The following TMEM123 variants were observed in gnomAD, a reference collection of about 807,000 sequenced individuals.
The protein encoded by TMEM123 is transmembrane protein 123, also known as porimin.
Under a neutral mutation model 19.7 loss-of-function variants are expected in TMEM123, and 16 were observed. The ratio of observed to expected loss-of-function variants is 0.81; its 90% CI spans 0.55 to 1.23. TMEM123 has a LOEUF of 1.23. TMEM123 is among the 50% of genes most tolerant of loss of function. The pLI is 0.00. For missense variants in TMEM123, 313 were observed against 257.8 expected (o/e 1.21, Z -1.47); for synonymous variants, 118 against 99.4 (o/e 1.19, Z -1.12).
chr11:102,425,879 T>C (rs1781836203), intron 2 of TMEM123, among the ~76,000 whole-genome samples: 2 of 152,146 alleles, frequency 1.3e-5, no homozygotes, highest in South Asian at 4.1e-4. Context: ...GCCCTCGAGA[T>C]TTTCCTAACT....
intron 2 of TMEM123, among the ~76,000 whole-genome samples, chr11:102,428,002 G>T (rs1024108417): frequency 5.3e-5 from 8 of 152,002 alleles, no homozygotes; most frequent in Admixed American, 5.2e-4. Flanking sequence ...CCTCAATGAG[G>T]ATATAAACTT....
chr11:102,409,808 T>G (rs1591555464), intron 2 of TMEM123, among the ~76,000 whole-genome samples: 1 of 151,762 alleles, frequency 6.6e-6, no homozygotes, highest in Non-Finnish European at 1.5e-5. Context: ...GAGGTTGCAG[T>G]GAGCCGAGAT....
intron 2 of TMEM123, among the ~76,000 whole-genome samples, chr11:102,441,246 T>C (rs1435175844): frequency 6.6e-5 from 10 of 152,204 alleles, no homozygotes; most frequent in Non-Finnish European, 1.5e-4. Flanking sequence ...TATACATTCT[T>C]CTCAGCACCA....
rs766449871 is a variant in TMEM123 at position 102,401,893 on chromosome 11, A to G, written c.448+23T>C. 4 of 1,601,536 alleles carry G rather than the reference A, an allele frequency of 2.5e-6. No homozygotes were observed. The Admixed American group carries it at 6.7e-5, about 27-fold the overall frequency. ...TTTAACTACTTGCAGCATAGGAAAA[A>G]AAAGGTCAGCTTTAATACATACTTG... On this transcript the variant is annotated intron_variant, in intron 3 of 4. Coordinates refer to ENST00000398136, the MANE Select transcript of TMEM123 (RefSeq NM_052932.3).
chr11:102,450,021 T>G (rs1458563506), intron 1 of TMEM123, among the ~76,000 whole-genome samples: 1 of 152,164 alleles, frequency 6.6e-6, no homozygotes, highest in Non-Finnish European at 1.5e-5. Flanking sequence ...CATTACCAGC[T>G]GCTCAACCCC....
intron 2 of TMEM123, among the ~76,000 whole-genome samples, chr11:102,439,743 C>T (rs1214467860): frequency 2.0e-5 from 3 of 152,164 alleles, no homozygotes; most frequent in African/African-American, 7.2e-5. Context: ...TCGGTAATAA[C>T]AAACTTCTCC....
intron 2 of TMEM123, among the ~76,000 whole-genome samples, chr11:102,430,625 G>A (rs1396640094): frequency 6.6e-6 from 1 of 152,160 alleles, no homozygotes; most frequent in Non-Finnish European, 1.5e-5. Context: ...TGGCAGAGAG[G>A]GCAGAGAAAG....
intron 4 of TMEM123, among the ~76,000 whole-genome samples, chr11:102,400,710 TAG>T (rs1382309140): frequency 3.3e-5 from 5 of 152,204 alleles, no homozygotes; most frequent in Non-Finnish European, 7.3e-5. Context: ...CCCTTACAAT[TAG>T]AGGTCAGAGA....
intron 2 of TMEM123, among the ~76,000 whole-genome samples, chr11:102,415,467 C>T (rs887236310): frequency 5.3e-5 from 8 of 152,138 alleles, no homozygotes; most frequent in Non-Finnish European, 8.8e-5. Context: ...CAACAAATTA[C>T]GATTCTCAAA....
In TMEM123 at chr11:102,439,758, C is replaced by CTAAAGGAG. The variant is rs1345946629; in HGVS notation, c.157+9046_157+9053dup. ...TCGGTAATAACAAACTTCTCCCGAG[C>CTAAAGGAG]TAAAGGAGGATGTTCAAACCCATCG... On this transcript the variant is annotated intron_variant, in intron 2 of 4. Transcript: ENST00000398136. 2.0e-5 allele frequency among the ~76,000 whole-genome samples: 3 copies of CTAAAGGAG among 152,168 alleles called. No homozygotes were observed. In the East Asian group the frequency reaches 5.8e-4, roughly 29 times the overall value.
At chr11:102,419,144 T>A (rs1382389478) in intron 2 of TMEM123, among the ~76,000 whole-genome samples, 2 of 152,184 alleles carry the variant, frequency 1.3e-5, no homozygotes, top group Non-Finnish European at 2.9e-5. Context: ...TCTGCACATG[T>A]ACCCTCGAGC....
At chr11:102,425,605 C>G (rs1331369769) in intron 2 of TMEM123, among the ~76,000 whole-genome samples, 1 of 118,896 alleles carries the variant, frequency 8.4e-6, no homozygotes, top group East Asian at 2.3e-4. Context: ...TTTTTTGAGG[C>G]AAGGTCTCAC....
intron 2 of TMEM123, among the ~76,000 whole-genome samples, chr11:102,412,268 C>A (rs1049625295): frequency 1.3e-5 from 2 of 152,106 alleles, no homozygotes; most frequent in African/African-American, 4.8e-5. Context: ...CCTGTCTCTA[C>A]TAAAAATACA....
intron 2 of TMEM123, among the ~76,000 whole-genome samples, chr11:102,437,477 T>TAAA (rs1565354890): frequency 8.5e-6 from 1 of 118,002 alleles, no homozygotes; most frequent in East Asian, 2.1e-4. Context: ...AAAAAAAAAT[T>TAAA]TTTTTTACGT....
chr11:102,450,452 C>T (rs1857926198), intron 1 of TMEM123, among the ~76,000 whole-genome samples: 1 of 152,188 alleles, frequency 6.6e-6, no homozygotes, highest in African/African-American at 2.4e-5. Context: ...ATCCTGTTTG[C>T]TGATTTGCAA....
chr11:102,427,597 G>A (rs1169460833), intron 2 of TMEM123, among the ~76,000 whole-genome samples: 6 of 151,106 alleles, frequency 4.0e-5, no homozygotes, highest in African/African-American at 9.7e-5. Context: ...CCAGCACTTC[G>A]GGAGGCTGAG....
chr11:102,428,465 C>CTTT (rs111246802), intron 2 of TMEM123, among the ~76,000 whole-genome samples: 1 of 142,448 alleles, frequency 7.0e-6, no homozygotes, highest in Non-Finnish European at 1.5e-5. Context: ...CCACACCCAG[C>CTTT]TTTTTTTTTT....
chr11:102,405,518 A>G (rs1171541632), intron 2 of TMEM123, among the ~76,000 whole-genome samples: 1 of 152,244 alleles, frequency 6.6e-6, no homozygotes, highest in Non-Finnish European at 1.5e-5. Context: ...AAGTAATAGA[A>G]TTTAACATTA....
chr11:102,405,284 C>T (rs1225260655), intron 2 of TMEM123, among the ~76,000 whole-genome samples: 3 of 151,374 alleles, frequency 2.0e-5, no homozygotes, highest in African/African-American at 2.4e-5. Context: ...GATCTCCTGA[C>T]CTTGTGATCT....
Sources: allele counts gnomAD v4.1 joint callset (sites outside exome capture counted in the v4.1 genomes callset), GRCh38; gene constraint gnomAD v4.1.1; transcripts MANE v1.5; gene names NCBI Gene and HGNC (gene_info 2026-07-23, HGNC 2026-07-21).